The following UBR4 variants were observed in gnomAD, a reference collection of about 807,000 sequenced individuals.
UBR4 encodes the protein ubiquitin protein ligase E3 component n-recognin 4, also known as E3 ubiquitin-protein ligase UBR4.
UBR4 carries 124 observed loss-of-function variants against 575.6 expected under a neutral mutation model. That is an observed-to-expected ratio of 0.22 (90% CI 0.19 to 0.25). UBR4 has a LOEUF of 0.25. UBR4 is among the 10% of genes least tolerant of loss of function. UBR4 has a pLI of 1.00. For missense variants in UBR4, 4,818 were observed against 6,478.8 expected (o/e 0.74, Z 8.80); for synonymous variants, 2,455 against 2,473.7 (o/e 0.99, Z 0.22).
Position 19,112,537 on chromosome 1 carries a change from A to C in UBR4, c.11788T>G (p.Cys3930Gly). 6.2e-7 allele frequency: 1 copy of C among 1,611,398 alleles called. No homozygotes were observed. Among genetic ancestry groups the C allele is most frequent in the South Asian group, 1.1e-5 (1 of 90,578 alleles). The change falls in exon 78 of 106, where the codon TGC (cysteine) becomes GGC (glycine). Residue 3930 changes from cysteine to glycine, a missense_variant. Around this residue, in one of 29 missense-constraint regions of UBR4, gnomAD observed 333 missense variants for 459.2 expected, o/e 0.73. Transcript: ENST00000375254. ...GTAGGTACTGACCGAGTTAGGAGGC[A>C]CATGAGCTGGCGGACCTCCTCCCGC... ...AMREEVRQLM[C>G]LLTRDNPEAT...
At chr1:19,118,282 A>G (rs888647623) in intron 71 of UBR4, 3 of 176,786 alleles carry the variant, frequency 1.7e-5, no homozygotes, top group Non-Finnish European at 3.6e-5. Context: ...TTTAAAGAAC[A>G]GTCACTACTA....
At position 19,150,727 on chromosome 1, in the gene UBR4, T is replaced by G; in HGVS notation, c.7280A>C (p.Lys2427Thr). 6.2e-7 allele frequency: 1 copy of G among 1,614,058 alleles called. No individual in the cohort carries two copies. Among genetic ancestry groups the G allele is most frequent in the African/African-American group, 1.3e-5 (1 of 74,992 alleles). The change falls in exon 49 of 106, where the codon AAG becomes ACG. Residue 2427 changes from lysine (K) to threonine (T), a missense_variant. Lys to Thr is a moderately conservative substitution (Grantham distance 78). Around this residue, in one of 29 missense-constraint regions of UBR4, gnomAD observed 340 missense variants for 375.4 expected, o/e 0.91. Transcript: ENST00000375254. ...CTCATCAGGCCAGCCAAACTGCTCC[T>G]TAGTCTTGCCATAAATTTTTACAGC... The part of the protein sequence containing the change: ...IDAVKIYGKT[K>T]EQFGWPDEPP...
chr1:19,121,273 C>G lies in UBR4; in HGVS notation c.10057G>C (p.Ala3353Pro). The G allele has an allele frequency of 1.2e-6, 2 of 1,614,148 alleles. No individual in the cohort carries two copies. Among genetic ancestry groups the G allele is most frequent in the Non-Finnish European group, 1.7e-6 (2 of 1,180,036 alleles). ...GTTGTGGCTTGTCCAGAACTGGCAG[C>G]CACAGGGGCTGAGGAGGAAGAAGCA... ...SSASSSSAPV[A>P]ASSGQATTQS... The change falls in exon 68 of 106, where the codon GCT becomes CCT. Residue 3353 changes from alanine (A) to proline (P), a missense_variant. Around this residue, in one of 29 missense-constraint regions of UBR4, gnomAD observed 550 missense variants for 791.5 expected, o/e 0.69. Transcript: ENST00000375254.
Position 19,201,778 on chromosome 1 carries a change from G to A in UBR4, c.214C>T (p.Pro72Ser), listed in dbSNP as rs1448807936. The stretch of plus-strand genomic sequence containing the variant: ...AGTGCAACAAAAGATGAGTAGAATG[G>A]CTCGTACTGCTTCTCATGGTGCAGG... ...EILHHEKQYEPFYSSFVALST... is the reference protein window; with the variant it reads ...EILHHEKQYESFYSSFVALST... The change falls in exon 2 of 106, where the codon CCA becomes TCA. Residue 72 changes from proline (P) to serine (S), a missense_variant. Pro to Ser is a moderately conservative substitution (Grantham distance 74, BLOSUM62 -1). Transcript: ENST00000375254. 14 of 1,614,064 alleles carry A rather than the reference G, an allele frequency of 8.7e-6. No homozygotes were observed. The highest frequency in any genetic ancestry group is 1.2e-5 in the Non-Finnish European group (14 of 1,179,962).
chr1:19,165,189 G>A, intron 31 of UBR4, 60 bp downstream of exon 31: 1 of 1,517,638 alleles, frequency 6.6e-7, no homozygotes, highest in Non-Finnish European at 9.1e-7. Context: ...CAGAAGATAT[G>A]CACAGTATTA....
chr1:19,173,289 C>T lies in UBR4; in HGVS notation c.3183G>A (p.Gln1061=). The T allele has an allele frequency of 3.7e-6, 6 of 1,614,154 alleles. No homozygotes were observed. The highest frequency in any genetic ancestry group is 1.3e-5 in the African/African-American group (1 of 75,034). The part of the protein sequence containing the change: ...VNWIKDHLIK[Q]GMKAEHASSL... ...AGCTAGCATGCTCAGCCTTCATTCC[C>T]TGTTTGATAAGGTGATCCTATTTGG... is the stretch of plus-strand genomic sequence containing the variant. The change falls in exon 24 of 106, where the codon CAG becomes CAA. Residue 1061 remains glutamine (Q), a synonymous_variant. Transcript: ENST00000375254.
In UBR4 at chr1:19,168,122, T is replaced by G; in HGVS notation, c.3804A>C (p.Ala1268=). The G allele has an allele frequency of 6.2e-7, 1 of 1,613,320 alleles. No homozygotes were observed. ...SESYISAVQA[A]HLGTLCSQSL... ...TTTGGCTACAGAGAGTCCCCAGGTG[T>G]GCAGCCTGCACTGCACTAATATAAC... Residue 1268 remains alanine (A), a synonymous_variant, in exon 28 of 106, where the codon GCA becomes GCC. Coordinates refer to ENST00000375254, the MANE Select transcript of UBR4 (RefSeq NM_020765.3).
rs545543653 is a variant in UBR4, at chr1:19,155,169, G to A, written c.6301-94C>T. 1.3e-4 allele frequency: 195 copies of A among 1,527,696 alleles called. 2 individuals are homozygous for A. The Admixed American group carries it at 2.6e-3, about 21-fold the overall frequency. The allele number at this position is 1,527,696 out of a possible 1,614,324, so 94.6% of individuals were successfully genotyped here. A position where few individuals can be genotyped will look rare whatever the true frequency, so the allele number is the denominator to read the frequency against. The stretch of plus-strand genomic sequence containing the variant: ...GGTTATTATTTTCAATCATGATCAG[G>A]TGCTCTCATACTCTAAGCATGAGAT... On this transcript the variant is annotated intron_variant, in intron 43 of 105. Coordinates refer to ENST00000375254, the MANE Select transcript of UBR4 (RefSeq NM_020765.3).
At chr1:19,155,928 G>A (rs1371689719) in intron 42 of UBR4, among the ~76,000 whole-genome samples, 2 of 152,168 alleles carry the variant, frequency 1.3e-5, no homozygotes, top group Admixed American at 6.5e-5. Context: ...GGTACAGTGA[G>A]GGTAGAACCA....
At chr1:19,075,296 G>C in intron 105 of UBR4, 2 of 250,816 alleles carry the variant, frequency 8.0e-6, no homozygotes, top group Non-Finnish European at 1.6e-5. Flanking sequence ...CAGCAGCTCA[G>C]GGCTGATGTG....
chr1:19,090,437 G>A (rs1296162605), intron 97 of UBR4, among the ~76,000 whole-genome samples: 6 of 152,062 alleles, frequency 3.9e-5, no homozygotes, highest in African/African-American at 7.2e-5. Context: ...GATCTCCATC[G>A]GCAGCTCTTG....
In UBR4 at chr1:19,086,831, C is replaced by T. The variant is rs770508433; in HGVS notation, c.14545-10G>A. The T allele has an allele frequency of 2.1e-5, 34 of 1,613,482 alleles. No homozygotes were observed. The highest frequency in any genetic ancestry group is 1.7e-4 in the African/African-American group (13 of 74,928). ...CCAGGACCTTTGTGGGCTGCAAAGA[C>T]GACAACATAAGGAGAGGGGAGGAGA... On this transcript the variant is annotated splice_polypyrimidine_tract_variant and intron_variant, in intron 99 of 105. Transcript: ENST00000375254.
At chr1:19,076,689 C>T (rs1327661982) in intron 105 of UBR4, 51 bp downstream of exon 105, 2 of 1,612,894 alleles carry the variant, frequency 1.2e-6, no homozygotes, top group East Asian at 2.2e-5. Flanking sequence ...CGGAGGAAGA[C>T]ATGGGGCTTT....
Position 19,104,680 on chromosome 1 carries a change from C to A in UBR4, c.12646-14G>T. 1 of 1,613,478 alleles carries A rather than the reference C, an allele frequency of 6.2e-7. No individual in the cohort carries two copies. The highest frequency in any genetic ancestry group is 8.5e-7 in the Non-Finnish European group (1 of 1,179,668). ...ACGAGCTATTTCCTAAACAGGATGACAAGTGCAGTCAGTGTGATATCACTG... is the reference window on the plus strand; with the variant it reads ...ACGAGCTATTTCCTAAACAGGATGAAAAGTGCAGTCAGTGTGATATCACTG... On this transcript the variant is annotated splice_polypyrimidine_tract_variant and intron_variant, in intron 85 of 105. Coordinates refer to ENST00000375254, the MANE Select transcript of UBR4 (RefSeq NM_020765.3).
At position 19,120,351 on chromosome 1, in the gene UBR4, G is replaced by A. The variant is rs774738331; in HGVS notation, c.10142-3C>T. 2.5e-6 allele frequency: 4 copies of A among 1,614,086 alleles called. No individual in the cohort carries two copies. Among genetic ancestry groups the A allele is most frequent in the Non-Finnish European group, 3.4e-6 (4 of 1,179,946 alleles). On this transcript the variant is annotated splice_polypyrimidine_tract_variant and splice_region_variant and intron_variant, in intron 68 of 105. Transcript: ENST00000375254. ...CTCCTGGCTGCCAGAGGTCTCACCT[G>A]CAAGATTAGGACAGGACTAAGGGCT...
intron 74 of UBR4, 114 bp from the exon 75 acceptor site, chr1:19,115,063 T>C: frequency 1.4e-6 from 2 of 1,426,258 alleles, no homozygotes; most frequent in South Asian, 1.3e-5. Context: ...CTGCAGGGGC[T>C]ACTGAAGGGA....
chr1:19,155,561 G>C lies in UBR4; in HGVS notation c.6180C>G (p.Ile2060Met). 6.2e-7 allele frequency: 1 copy of C among 1,614,082 alleles called. No individual in the cohort carries two copies. Reference sequence around the variant, plus strand: ...ACCCAGCCGAAGACATTATAACAATGATGTTCTTTCCCTCCTCATTGAAAA... The same window carrying C: ...ACCCAGCCGAAGACATTATAACAATCATGTTCTTTCCCTCCTCATTGAAAA... ...TFLFNEEGKNIIVIMSSAGYI... is the reference protein window; with the variant it reads ...TFLFNEEGKNMIVIMSSAGYI... Residue 2060 changes from isoleucine to methionine, a missense_variant, in exon 43 of 106, where the codon ATC becomes ATG. Ile to Met is a conservative substitution (Grantham distance 10). Around this residue, in one of 29 missense-constraint regions of UBR4, gnomAD observed 461 missense variants for 606.9 expected, o/e 0.76. Transcript: ENST00000375254.
In UBR4 at chr1:19,100,264, A is replaced by G; in HGVS notation, c.13221+112T>C. The G allele has an allele frequency of 8.4e-7, 1 of 1,188,930 alleles. No individual in the cohort carries two copies. Among genetic ancestry groups the G allele is most frequent in the East Asian group, 2.3e-5 (1 of 42,652 alleles). The allele number at this position is 1,188,930 out of a possible 1,614,324, so 73.6% of individuals were successfully genotyped here. A position where few individuals can be genotyped will look rare whatever the true frequency, so the allele number is the denominator to read the frequency against. Reference sequence around the variant, plus strand: ...CCCAACTTACAGAGTGGAGAAACTGAAGGCCACCTGCCCCAAGTTAATCAG... The same window carrying G: ...CCCAACTTACAGAGTGGAGAAACTGGAGGCCACCTGCCCCAAGTTAATCAG... On this transcript the variant is annotated intron_variant, in intron 89 of 105. Transcript: ENST00000375254. This position sits in a 1 kb window ranked among gnomAD's most constrained non-coding sequence, Gnocchi z 4.2.
intron 1 of UBR4, among the ~76,000 whole-genome samples, chr1:19,209,594 G>A (rs1348488341): frequency 6.6e-6 from 1 of 152,188 alleles, no homozygotes; most frequent in Non-Finnish European, 1.5e-5. Flanking sequence ...CGTAAAAAGA[G>A]GTCATCAATG....
Sources: gnomAD v4.1 joint callset for allele counts (sites outside exome capture counted in the v4.1 genomes callset) on GRCh38, gnomAD v4.1.1 for gene constraint, gnomAD v4.1.1 regional missense constraint, Gnocchi (gnomAD v3.1) non-coding constraint, MANE v1.5 for transcripts, NCBI Gene and HGNC (gene_info 2026-07-23, HGNC 2026-07-21) for gene names.